The following SND1 variants were observed in gnomAD, a reference collection of about 807,000 sequenced individuals.
SND1 encodes the protein staphylococcal nuclease domain-containing protein 1.
SND1 carries 38 observed loss-of-function variants against 121.7 expected under a neutral mutation model. The ratio of observed to expected loss-of-function variants is 0.31; its 90% CI spans 0.24 to 0.41. The LOEUF (loss-of-function observed/expected upper bound fraction) is 0.41, where lower values mean the gene tolerates loss of function less well. Ranked by LOEUF, SND1 falls within the 10% of genes least tolerant of loss-of-function variation. SND1 has a pLI of 1.00. For missense variants in SND1, 868 were observed against 1,184.6 expected, an observed-to-expected ratio of 0.73 and a Z score of 3.92; for synonymous variants, 401 against 447.4, an observed-to-expected ratio of 0.90 and a Z score of 1.31.
In SND1 at chr7:127,967,114, G is replaced by A. The variant is rs150074857; in HGVS notation, c.1670-23833G>A. 3.9e-5 allele frequency among the ~76,000 whole-genome samples: 6 copies of A among 152,184 alleles called. No individual in the cohort carries two copies. In the East Asian group the frequency reaches 9.7e-4, roughly 25 times the overall value. On this transcript the variant is annotated intron_variant, in intron 15 of 23. Coordinates refer to ENST00000354725, the MANE Select transcript of SND1 (RefSeq NM_014390.4). Reference sequence around the variant, plus strand: ...CTGAGAACCTCAGTCAGTCACCCTCGGTTTCCCCCATGCTCCCAGTGGGTG... The same window carrying A: ...CTGAGAACCTCAGTCAGTCACCCTCAGTTTCCCCCATGCTCCCAGTGGGTG...
chr7:127,662,666 T>G (rs529995509), intron 1 of SND1, among the ~76,000 whole-genome samples: 2 of 152,228 alleles, frequency 1.3e-5, no homozygotes, highest in South Asian at 4.1e-4. Flanking sequence ...CTCAATAGTT[T>G]TTTTGTTTGG....
chr7:127,791,894 T>C (rs760530296), intron 10 of SND1, among the ~76,000 whole-genome samples: 1 of 152,238 alleles, frequency 6.6e-6, no homozygotes, highest in Non-Finnish European at 1.5e-5. Flanking sequence ...AAGCTAACTT[T>C]AGTCTTCCAT....
At chr7:127,830,318 G>T (rs1003498718) in intron 11 of SND1, among the ~76,000 whole-genome samples, 1 of 152,038 alleles carries the variant, frequency 6.6e-6, no homozygotes, top group African/African-American at 2.4e-5. Context: ...AGGAGGCAGA[G>T]GTTGCAGTGA....
At chr7:128,080,314 G>C (rs1408754560) in intron 17 of SND1, among the ~76,000 whole-genome samples, 2 of 152,224 alleles carry the variant, frequency 1.3e-5, no homozygotes, top group East Asian at 1.9e-4. Context: ...GATTGGACTT[G>C]ACACGCTGTC....
intron 13 of SND1, 100 bp downstream of exon 13, chr7:127,888,112 T>C: frequency 1.5e-6 from 1 of 672,402 alleles, no homozygotes. Flanking sequence ...TGGAAAATAA[T>C]ATGCTGAGAA....
At chr7:127,653,938 A>G (rs1795167858) in intron 1 of SND1, among the ~76,000 whole-genome samples, 2 of 152,234 alleles carry the variant, frequency 1.3e-5, no homozygotes, top group Admixed American at 1.3e-4. Flanking sequence ...ATTATCCTAA[A>G]GTGGCTCTTC....
At chr7:127,873,695 C>T (rs1266816106) in intron 12 of SND1, among the ~76,000 whole-genome samples, 2 of 152,042 alleles carry the variant, frequency 1.3e-5, no homozygotes, top group Non-Finnish European at 2.9e-5. Flanking sequence ...AGTGCAGTGG[C>T]CATTCTTAGG....
intron 4 of SND1, 45 bp from the exon 5 acceptor site, chr7:127,701,118 G>A: frequency 6.2e-7 from 1 of 1,604,062 alleles, no homozygotes; most frequent in Non-Finnish European, 8.5e-7. Flanking sequence ...TCGTATTTCT[G>A]TTTGTGAACT....
intron 16 of SND1, chr7:128,027,260 G>C (rs949018984): frequency 3.3e-5 from 5 of 149,866 alleles, no homozygotes; most frequent in African/African-American, 1.2e-4. Flanking sequence ...GAATAACAGA[G>C]ATCTCTGCCT....
Position 127,701,153 on chromosome 7 carries a change from T to G in SND1, c.429-10T>G. 1 of 1,612,762 alleles carries G rather than the reference T, an allele frequency of 6.2e-7. No homozygotes were observed. The highest frequency in any genetic ancestry group is 8.5e-7 in the Non-Finnish European group (1 of 1,179,560). ...TCACTAACCACTCTTGTTTATTTTTTATGTCCCAGTCCTGAGCAGAACCGG... is the reference window on the plus strand; with the variant it reads ...TCACTAACCACTCTTGTTTATTTTTGATGTCCCAGTCCTGAGCAGAACCGG... On this transcript the variant is annotated splice_polypyrimidine_tract_variant and intron_variant, in intron 4 of 23. Transcript: ENST00000354725.
chr7:127,734,102 C>G lies in SND1; in HGVS notation c.1152+12702C>G, dbSNP rs1315568515. On this transcript the variant is annotated intron_variant, in intron 10 of 23. Transcript: ENST00000354725. ...AGCTCTATCTCCAGGATTTTCGTCT[C>G]TGACAATGCAATTTTTCTTTTCTGA... Among the ~76,000 whole-genome samples, 5 of 152,194 alleles carry G rather than the reference C, an allele frequency of 3.3e-5. No homozygotes were observed. In the East Asian group the frequency reaches 9.7e-4, roughly 29 times the overall value.
intron 10 of SND1, among the ~76,000 whole-genome samples, chr7:127,769,684 G>A (rs1797481132): frequency 6.6e-6 from 1 of 151,734 alleles, no homozygotes; most frequent in Admixed American, 6.6e-5. Flanking sequence ...AAAAAATCTG[G>A]GTGTTTGTGT....
chr7:127,796,189 T>C (rs1199069586), intron 10 of SND1, among the ~76,000 whole-genome samples: 5 of 152,046 alleles, frequency 3.3e-5, no homozygotes, highest in Admixed American at 3.3e-4. Flanking sequence ...TATTTAGTAA[T>C]AGTAGCCAGA....
At chr7:127,738,298 T>C (rs1182363202) in intron 10 of SND1, among the ~76,000 whole-genome samples, 24 of 150,478 alleles carry the variant, frequency 1.6e-4, no homozygotes, top group African/African-American at 5.8e-4. Flanking sequence ...TTTTTTTTTT[T>C]TTTGAGATGG....
At chr7:127,835,281 G>T (rs1798845428) in intron 11 of SND1, among the ~76,000 whole-genome samples, 1 of 152,106 alleles carries the variant, frequency 6.6e-6, no homozygotes, top group Non-Finnish European at 1.5e-5. Flanking sequence ...GGGTGTATTT[G>T]ACATAAAGGC....
intron 16 of SND1, chr7:128,028,852 C>T: frequency 1.2e-6 from 2 of 1,614,204 alleles, no homozygotes; most frequent in Admixed American, 1.7e-5. Context: ...GTGGGCAGCA[C>T]TACTGCCCCC....
intron 12 of SND1, among the ~76,000 whole-genome samples, chr7:127,847,289 A>C (rs1258530725): frequency 6.6e-6 from 1 of 152,148 alleles, no homozygotes; most frequent in Non-Finnish European, 1.5e-5. Context: ...AAACAAACAA[A>C]CAAAAAACTC....
chr7:127,784,815 T>C (rs1797782717), intron 10 of SND1, among the ~76,000 whole-genome samples: 2 of 152,190 alleles, frequency 1.3e-5, no homozygotes, highest in Non-Finnish European at 2.9e-5. Flanking sequence ...TGGAAGAGAA[T>C]AGTTTTTAGA....
intron 16 of SND1, among the ~76,000 whole-genome samples, chr7:128,020,659 C>A (rs190664909): frequency 6.6e-6 from 1 of 152,158 alleles, no homozygotes; most frequent in Non-Finnish European, 1.5e-5. Flanking sequence ...GATAACATAC[C>A]CAGAATGAGA....
Sources: allele counts gnomAD v4.1 joint callset (sites outside exome capture counted in the v4.1 genomes callset), GRCh38; gene constraint gnomAD v4.1.1; transcripts MANE v1.5; gene names NCBI Gene and HGNC (gene_info 2026-07-23, HGNC 2026-07-21).